GALNT13: variants seen among roughly 807,000 people sequenced by gnomAD.
GALNT13 encodes the protein UDP-GalNAc:polypeptide N-acetylgalactosaminyltransferase 13.
In GALNT13, 28 loss-of-function variants were observed where a neutral mutation model predicts 64.2. The observed-to-expected ratio is 0.44, with a 90% CI of 0.32 to 0.60. GALNT13 has a LOEUF of 0.60. GALNT13 is among the 20% of genes least tolerant of loss of function. The pLI, the probability that GALNT13 is intolerant of heterozygous loss-of-function variation, is 0.05. For missense variants in GALNT13, 577 were observed against 669.8 expected, an observed-to-expected ratio of 0.86 and a Z score of 1.53; for synonymous variants, 214 against 224.6, an observed-to-expected ratio of 0.95 and a Z score of 0.42.
the GALNT13 span, among the ~76,000 whole-genome samples, chr2:153,815,969 A>C: frequency 6.6e-6 from 1 of 152,182 alleles, no homozygotes; most frequent in Non-Finnish European, 1.5e-5. Context: ...ACTACCTGTG[A>C]TTATTCCTTC....
chr2:153,625,807 G>T, the GALNT13 span, among the ~76,000 whole-genome samples: 1 of 151,882 alleles, frequency 6.6e-6, no homozygotes, highest in Non-Finnish European at 1.5e-5. Context: ...TTCAGTCTGT[G>T]TTCAGAATGA....
intron 10 of GALNT13, among the ~76,000 whole-genome samples, chr2:154,399,878 C>A (rs1574236747): frequency 6.6e-6 from 1 of 152,050 alleles, no homozygotes; most frequent in South Asian, 2.1e-4. Context: ...GTAAAAGATG[C>A]CCTGCATGGG....
intron 4 of GALNT13, among the ~76,000 whole-genome samples, chr2:154,149,330 G>A (rs1363256359): frequency 6.6e-6 from 1 of 152,104 alleles, no homozygotes; most frequent in African/African-American, 2.4e-5. Flanking sequence ...CGTTACAGTA[G>A]CCTTGTAGTA....
chr2:154,070,127 A>G (rs1700668332), intron 3 of GALNT13, among the ~76,000 whole-genome samples: 2 of 152,158 alleles, frequency 1.3e-5, no homozygotes, highest in South Asian at 2.1e-4. Context: ...CTAGATTTAA[A>G]TTTAAGGGGA....
chr2:153,917,981 T>C (rs1488437626), intron 2 of GALNT13, among the ~76,000 whole-genome samples: 1 of 131,284 alleles, frequency 7.6e-6, no homozygotes, highest in Non-Finnish European at 1.8e-5. Flanking sequence ...TCTACTTCCT[T>C]CTCTCTGTTT....
the GALNT13 span, among the ~76,000 whole-genome samples, chr2:153,503,424 T>C: frequency 6.6e-6 from 1 of 152,262 alleles, no homozygotes; most frequent in African/African-American, 2.4e-5. Flanking sequence ...ATTTGGTCTA[T>C]GTGCCTATTT....
chr2:153,508,238 G>T, the GALNT13 span, among the ~76,000 whole-genome samples: 1 of 152,174 alleles, frequency 6.6e-6, no homozygotes, highest in African/African-American at 2.4e-5. Context: ...TATGTATTCA[G>T]GTTTCTCAGG....
At chr2:153,505,606 T>C in the GALNT13 span, among the ~76,000 whole-genome samples, 1 of 152,192 alleles carries the variant, frequency 6.6e-6, no homozygotes, top group Non-Finnish European at 1.5e-5. Context: ...GTTTCATTGT[T>C]GACCCAATGA....
rs184561335 is a variant in GALNT13, at chr2:154,208,163, G to C, written c.312-33867G>C. Among the ~76,000 whole-genome samples the C allele has an allele frequency of 7.7e-3, 1,178 of 152,162 alleles. 32 individuals carry two copies. The highest frequency in any genetic ancestry group is 6.5e-3 in the Non-Finnish European group (445 of 67,984). The stretch of plus-strand genomic sequence containing the variant: ...GTCATTCCAGAAAAAGCTGTAAAAA[G>C]AGCAAGAAAAATATCATATCACTTA... On this transcript the variant is annotated intron_variant, in intron 4 of 12. Coordinates refer to ENST00000392825, the MANE Select transcript of GALNT13 (RefSeq NM_052917.4).
At chr2:153,868,967 C>A (rs1011614028), upstream of GALNT13, among the ~76,000 whole-genome samples, 1 of 152,012 alleles carries the variant, frequency 6.6e-6, no homozygotes, top group Admixed American at 6.6e-5. Context: ...ATGATAACTA[C>A]CTGATTTTTA....
At chr2:153,993,903 T>C (rs1040233312) in intron 3 of GALNT13, among the ~76,000 whole-genome samples, 41 of 152,192 alleles carry the variant, frequency 2.7e-4, no homozygotes, top group African/African-American at 8.7e-4. Flanking sequence ...AACAGAACAC[T>C]TAATTGTTTT....
chr2:153,314,653 G>A, the GALNT13 span, among the ~76,000 whole-genome samples: 4 of 152,084 alleles, frequency 2.6e-5, no homozygotes, highest in East Asian at 3.9e-4. Flanking sequence ...ATTCAAAAAT[G>A]TGTGGAAATT....
the GALNT13 span, among the ~76,000 whole-genome samples, chr2:153,857,185 C>T: frequency 6.6e-6 from 1 of 152,058 alleles, no homozygotes; most frequent in Non-Finnish European, 1.5e-5. Context: ...TCGATGTCAA[C>T]TTGGTAATTT....
chr2:154,098,417 CTTAT>C (rs1379887568), intron 3 of GALNT13, among the ~76,000 whole-genome samples: 2 of 151,730 alleles, frequency 1.3e-5, no homozygotes, highest in Non-Finnish European at 2.9e-5. Context: ...TTTAAGCCCT[CTTAT>C]TTTTCAATGA....
intron 9 of GALNT13, among the ~76,000 whole-genome samples, chr2:154,352,169 A>G (rs1164274971): frequency 1.3e-5 from 2 of 152,242 alleles, no homozygotes; most frequent in African/African-American, 4.8e-5. Flanking sequence ...GTTGAAGTTA[A>G]AGGAAATACC....
chr2:153,618,564 A>T, the GALNT13 span, among the ~76,000 whole-genome samples: 1 of 151,878 alleles, frequency 6.6e-6, no homozygotes, highest in Non-Finnish European at 1.5e-5. Context: ...GATTAAGTCC[A>T]ATGCATATTT....
the GALNT13 span, among the ~76,000 whole-genome samples, chr2:153,561,122 T>C: frequency 8.8e-4 from 134 of 152,152 alleles, no homozygotes; most frequent in African/African-American, 3.1e-3. Context: ...GAGATGTTAA[T>C]TATATTTCTA....
At chr2:153,870,858 T>G (rs1441685688), upstream of GALNT13, among the ~76,000 whole-genome samples, 1 of 151,810 alleles carries the variant, frequency 6.6e-6, no homozygotes, top group Non-Finnish European at 1.5e-5. Context: ...GAAGTGACAC[T>G]GTGAGAAGCA....
At chr2:153,550,982 G>T in the GALNT13 span, among the ~76,000 whole-genome samples, 2 of 152,142 alleles carry the variant, frequency 1.3e-5, no homozygotes, top group East Asian at 3.9e-4. Flanking sequence ...ATTAAGCTGA[G>T]GGTGGCTAGA....
Sources: gnomAD v4.1 joint callset for allele counts (sites outside exome capture counted in the v4.1 genomes callset) on GRCh38, gnomAD v4.1.1 for gene constraint, MANE v1.5 for transcripts, NCBI Gene and HGNC (gene_info 2026-07-23, HGNC 2026-07-21) for gene names.